GADD45B: variants seen among roughly 807,000 people sequenced by gnomAD.
GADD45B encodes the protein growth arrest and DNA damage-inducible protein GADD45 beta.
Under a neutral mutation model 15.2 loss-of-function variants are expected in GADD45B, and 8 were observed. The observed-to-expected ratio is 0.53, with a 90% CI of 0.31 to 0.95. The LOEUF is 0.95. Ranked by LOEUF, GADD45B falls within the 40% of genes least tolerant of loss-of-function variation. The pLI is 0.05. For missense variants in GADD45B, 162 were observed against 216.6 expected (o/e 0.75, Z 1.58); for synonymous variants, 100 against 89.8 (o/e 1.11, Z -0.64).
Position 2,476,234 on chromosome 19 carries a change from TTCCCG to T in GADD45B, c.-124_-120del. 1 of 864,996 alleles carries T rather than the reference TTCCCG, an allele frequency of 1.2e-6. No homozygotes were observed. 53.6% of individuals were successfully genotyped at this position (864,996 alleles called of 1,614,324 possible). A position where few individuals can be genotyped will look rare whatever the true frequency, so the allele number is the denominator to read the frequency against. ...GCCTTTTCTGGAAGGATTTCGCTGC[TTCCCG>T]AAGGTCTTGGACGAGCGCTCTAGCT... On this transcript the variant is annotated 5_prime_UTR_variant, in exon 1 of 4. Coordinates refer to ENST00000215631, the MANE Select transcript of GADD45B (RefSeq NM_015675.4).
At position 2,477,182 on chromosome 19, in the gene GADD45B, G is replaced by GCGCT; in HGVS notation, c.301_302insGCTC (p.Leu101ArgfsTer84). The GCGCT allele has an allele frequency of 6.2e-7, 1 of 1,612,166 alleles. No homozygotes were observed. Among genetic ancestry groups the GCGCT allele is most frequent in the Admixed American group, 1.7e-5 (1 of 60,016 alleles). On this transcript the variant is annotated frameshift_variant, in exon 3 of 4. Transcript: ENST00000215631. LOFTEE classifies it high-confidence loss of function. The surrounding 1 kb of genome is among the most constrained non-coding windows in gnomAD (Gnocchi z 4.2). ...TGTCGGGCATGCAGCGCCTGGCGCA[G>GCGCT]CTCCTGGGAGAGCCGGCCGAGACCC... is the stretch of plus-strand genomic sequence containing the variant.
rs769267957 is a variant in GADD45B, at chr19:2,476,413, G to A, written c.44+11G>A. The A allele has an allele frequency of 9.3e-6, 15 of 1,612,998 alleles. No homozygotes were observed. In the East Asian group the frequency reaches 1.1e-4, roughly 12 times the overall value. On this transcript the variant is annotated intron_variant, in intron 1 of 3. Transcript: ENST00000215631. ...CAACGCGGCGCAGAAGTAAGTAGCC[G>A]GGGCTGCCGCCGCCTGAGGTCAGCC... is the stretch of plus-strand genomic sequence containing the variant.
rs999477888 is a variant in GADD45B at position 2,478,017 on chromosome 19, C to G, written c.*416C>G. The G allele has an allele frequency of 1.2e-5, 2 of 161,158 alleles. No individual in the cohort carries two copies. Among genetic ancestry groups the G allele is most frequent in the African/African-American group, 4.8e-5 (2 of 41,594 alleles). 10.0% of individuals were successfully genotyped at this position (161,158 alleles called of 1,614,324 possible). A position where few individuals can be genotyped will look rare whatever the true frequency, so the allele number is the denominator to read the frequency against. Reference sequence around the variant, plus strand: ...TGAGACTGGAGCTGGCGTCTGCATACGAGAGACTTGGTTGAACTTGGTTGG... The same window carrying G: ...TGAGACTGGAGCTGGCGTCTGCATAGGAGAGACTTGGTTGAACTTGGTTGG... On this transcript the variant is annotated 3_prime_UTR_variant, in exon 4 of 4. Coordinates refer to ENST00000215631, the MANE Select transcript of GADD45B (RefSeq NM_015675.4).
In GADD45B at chr19:2,477,860, A is replaced by C. The variant is rs1599354510; in HGVS notation, c.*259A>C. On this transcript the variant is annotated 3_prime_UTR_variant, in exon 4 of 4. Coordinates refer to ENST00000215631, the MANE Select transcript of GADD45B (RefSeq NM_015675.4). The surrounding 1 kb of genome is among the most constrained non-coding windows in gnomAD (Gnocchi z 4.2). ...GGGACCCAGGCCAGCAGGAGACAGG[A>C]CCCCCGAAGCTGAGGCCTTGGGATG... 2 of 317,166 alleles carry C rather than the reference A, an allele frequency of 6.3e-6. No individual in the cohort carries two copies. The highest frequency in any genetic ancestry group is 6.1e-6 in the Non-Finnish European group (1 of 163,452). The allele number at this position is 317,166 out of a possible 1,614,324, so 19.6% of individuals were successfully genotyped here.
At position 2,477,346 on chromosome 19, in the gene GADD45B, C is replaced by T. The variant is rs1401396236; in HGVS notation, c.369+95C>T. 1 of 1,048,114 alleles carries T rather than the reference C, an allele frequency of 9.5e-7. No individual in the cohort carries two copies. Among genetic ancestry groups the T allele is most frequent in the South Asian group, 1.5e-5 (1 of 66,258 alleles). The allele number at this position is 1,048,114 out of a possible 1,614,324, so 64.9% of individuals were successfully genotyped here. On this transcript the variant is annotated intron_variant, in intron 3 of 3. Transcript: ENST00000215631. This position sits in a 1 kb window ranked among gnomAD's most constrained non-coding sequence, Gnocchi z 4.2. ...CTGACTGGTCCTGCACAGCTCAGCG[C>T]TCAGCCACGTTTGGCATGTCCCGTG... is the stretch of plus-strand genomic sequence containing the variant.
rs1443063264 is a variant in GADD45B at position 2,477,712 on chromosome 19, G to A, written c.*111G>A. 3.5e-6 allele frequency: 2 copies of A among 571,754 alleles called. No homozygotes were observed. Among genetic ancestry groups the A allele is most frequent in the Admixed American group, 5.4e-5 (2 of 36,826 alleles). The allele number at this position is 571,754 out of a possible 1,614,324, so 35.4% of individuals were successfully genotyped here. A position where few individuals can be genotyped will look rare whatever the true frequency, so the allele number is the denominator to read the frequency against. ...ACCCCCCCAAAACAACCCAACCCAC[G>A]AGGACCATCGGGGGCAGAGTCGTTG... On this transcript the variant is annotated 3_prime_UTR_variant, in exon 4 of 4. Coordinates refer to ENST00000215631, the MANE Select transcript of GADD45B (RefSeq NM_015675.4). This position sits in a 1 kb window ranked among gnomAD's most constrained non-coding sequence, Gnocchi z 4.2.
In GADD45B at chr19:2,477,770, G is replaced by T. The variant is rs1437143459; in HGVS notation, c.*169G>T. On this transcript the variant is annotated 3_prime_UTR_variant, in exon 4 of 4. Coordinates refer to ENST00000215631, the MANE Select transcript of GADD45B (RefSeq NM_015675.4). This position sits in a 1 kb window ranked among gnomAD's most constrained non-coding sequence, Gnocchi z 4.2. ...AAGAGGAAGAGGAGGAGGAGAAGGG[G>T]AGTGAGCGGCCGCCCCCAGGGCGGA... The T allele has an allele frequency of 6.4e-6, 3 of 470,580 alleles. No homozygotes were observed. The highest frequency in any genetic ancestry group is 3.5e-5 in the Admixed American group (1 of 28,946). The allele number at this position is 470,580 out of a possible 1,614,324, so 29.2% of individuals were successfully genotyped here. A position where few individuals can be genotyped will look rare whatever the true frequency, so the allele number is the denominator to read the frequency against.
rs2144694713 is a variant in GADD45B at position 2,476,242 on chromosome 19, G to A, written c.-117G>A. On this transcript the variant is annotated 5_prime_UTR_variant, in exon 1 of 4. Coordinates refer to ENST00000215631, the MANE Select transcript of GADD45B (RefSeq NM_015675.4). ...TGGAAGGATTTCGCTGCTTCCCGAA[G>A]GTCTTGGACGAGCGCTCTAGCTCTG... 3 of 916,314 alleles carry A rather than the reference G, an allele frequency of 3.3e-6. No individual in the cohort carries two copies. The highest frequency in any genetic ancestry group is 2.2e-4 in the Middle Eastern group (1 of 4,630). 56.8% of individuals were successfully genotyped at this position (916,314 alleles called of 1,614,324 possible).
Position 2,477,019 on chromosome 19 carries a change from G to A in GADD45B, c.147-10G>A, listed in dbSNP as rs1467165816. 2 of 1,595,480 alleles carry A rather than the reference G, an allele frequency of 1.3e-6. No individual in the cohort carries two copies. Among genetic ancestry groups the A allele is most frequent in the Admixed American group, 3.3e-5 (2 of 59,970 alleles). On this transcript the variant is annotated splice_polypyrimidine_tract_variant and intron_variant, in intron 2 of 3. Transcript: ENST00000215631. This position sits in a 1 kb window ranked among gnomAD's most constrained non-coding sequence, Gnocchi z 4.2. Reference sequence around the variant, plus strand: ...CCGGCTGACCCATCCCTACCCTTTGGCCCCCTCAGGGACCCAGACAGCGTG... The same window carrying A: ...CCGGCTGACCCATCCCTACCCTTTGACCCCCTCAGGGACCCAGACAGCGTG...
rs1348786358 is a variant in GADD45B at position 2,477,672 on chromosome 19, C to A, written c.*71C>A. On this transcript the variant is annotated 3_prime_UTR_variant, in exon 4 of 4. Transcript: ENST00000215631. This position sits in a 1 kb window ranked among gnomAD's most constrained non-coding sequence, Gnocchi z 4.2. Reference sequence around the variant, plus strand: ...AAAATACAATAAATATTTGAACCCCCTCCCCCCCAGCACAACCCCCCCAAA... The same window carrying A: ...AAAATACAATAAATATTTGAACCCCATCCCCCCCAGCACAACCCCCCCAAA... 2.6e-6 allele frequency: 2 copies of A among 774,086 alleles called. No homozygotes were observed. Among genetic ancestry groups the A allele is most frequent in the African/African-American group, 3.4e-5 (2 of 58,172 alleles). 48.0% of individuals were successfully genotyped at this position (774,086 alleles called of 1,614,324 possible). A position where few individuals can be genotyped will look rare whatever the true frequency, so the allele number is the denominator to read the frequency against.
intron 1 of GADD45B, 51 bp downstream of exon 1, chr19:2,476,453 C>T (rs2144694951): frequency 2.0e-6 from 3 of 1,499,048 alleles, no homozygotes; most frequent in East Asian, 4.5e-5. Context: ...CGGGATGGGT[C>T]GGGTTGGGCC....
chr19:2,476,943 G>T (rs1463639462), intron 2 of GADD45B, 86 bp from the exon 3 acceptor site: 4 of 829,732 alleles, frequency 4.8e-6, no homozygotes, highest in East Asian at 2.6e-5. Context: ...TTTTGCTCTT[G>T]CACGCTCCTT....
Position 2,477,440 on chromosome 19 carries a change from C to A in GADD45B, c.370-48C>A. 2 of 1,331,040 alleles carry A rather than the reference C, an allele frequency of 1.5e-6. No homozygotes were observed. Among genetic ancestry groups the A allele is most frequent in the South Asian group, 1.2e-5 (1 of 82,708 alleles). 82.5% of individuals were successfully genotyped at this position (1,331,040 alleles called of 1,614,324 possible). On this transcript the variant is annotated intron_variant, in intron 3 of 3. Transcript: ENST00000215631. This position sits in a 1 kb window ranked among gnomAD's most constrained non-coding sequence, Gnocchi z 4.2. The stretch of plus-strand genomic sequence containing the variant: ...CCTGACTGTTTTCCCCACACAGGGG[C>A]CCCGGGAGAGGGAGGCTCCACTAAA...
Position 2,477,797 on chromosome 19 carries a change from A to C in GADD45B, c.*196A>C. On this transcript the variant is annotated 3_prime_UTR_variant, in exon 4 of 4. Transcript: ENST00000215631. The surrounding 1 kb of genome is among the most constrained non-coding windows in gnomAD (Gnocchi z 4.2). ...GTGAGCGGCCGCCCCCAGGGCGGAGATCCAGGAGCTGGCGGCCGCCGATCC... is the reference window on the plus strand; with the variant it reads ...GTGAGCGGCCGCCCCCAGGGCGGAGCTCCAGGAGCTGGCGGCCGCCGATCC... 1 of 420,630 alleles carries C rather than the reference A, an allele frequency of 2.4e-6. No individual in the cohort carries two copies. Among genetic ancestry groups the C allele is most frequent in the Non-Finnish European group, 4.4e-6 (1 of 228,826 alleles). 26.1% of individuals were successfully genotyped at this position (420,630 alleles called of 1,614,324 possible).
chr19:2,477,226 G>C lies in GADD45B; in HGVS notation c.344G>C (p.Arg115Pro). Residue 115 changes from arginine to proline, a missense_variant, in exon 3 of 4, where the codon CGA becomes CCA. Coordinates refer to ENST00000215631, the MANE Select transcript of GADD45B (RefSeq NM_015675.4). The surrounding 1 kb of genome is among the most constrained non-coding windows in gnomAD (Gnocchi z 4.2). ...PAETQGTTEA[R>P]DLHCLLVTNP... ...GAGACCCAGGGCACCACCGAGGCCC[G>C]AGACCTGCATTGTCTCCTGGTCACG... is the stretch of plus-strand genomic sequence containing the variant. 1 of 1,595,358 alleles carries C rather than the reference G, an allele frequency of 6.3e-7. No homozygotes were observed. The highest frequency in any genetic ancestry group is 8.5e-7 in the Non-Finnish European group (1 of 1,174,210).
At position 2,477,529 on chromosome 19, in the gene GADD45B, G is replaced by C; in HGVS notation, c.411G>C (p.Glu137Asp). 3.7e-6 allele frequency: 6 copies of C among 1,613,912 alleles called. No individual in the cohort carries two copies. The highest frequency in any genetic ancestry group is 5.1e-6 in the Non-Finnish European group (6 of 1,179,822). Reference protein sequence around the residue: ...TDAWKSHGLVEVASYCEESRG... With the variant: ...TDAWKSHGLVDVASYCEESRG... ...CCTGGAAGAGCCACGGCTTGGTGGA[G>C]GTGGCCAGCTACTGCGAAGAAAGCC... Residue 137 changes from glutamate to aspartate, a missense_variant, in exon 4 of 4, where the codon GAG becomes GAC. Glu to Asp is a conservative substitution (Grantham distance 45, BLOSUM62 2). Coordinates refer to ENST00000215631, the MANE Select transcript of GADD45B (RefSeq NM_015675.4). The surrounding 1 kb of genome is among the most constrained non-coding windows in gnomAD (Gnocchi z 4.2).
At chr19:2,476,876 C>T (rs538630599) in intron 2 of GADD45B, 153 bp from the exon 3 acceptor site, 3 of 624,032 alleles carry the variant, frequency 4.8e-6, no homozygotes, top group South Asian at 3.8e-5. Context: ...TGTGCCCTCC[C>T]CTCCCCCCAC....
In GADD45B at chr19:2,477,831, A is replaced by G; in HGVS notation, c.*230A>G. On this transcript the variant is annotated 3_prime_UTR_variant, in exon 4 of 4. Coordinates refer to ENST00000215631, the MANE Select transcript of GADD45B (RefSeq NM_015675.4). The surrounding 1 kb of genome is among the most constrained non-coding windows in gnomAD (Gnocchi z 4.2). ...CTGGCGGCCGCCGATCCGATGGAGA[A>G]GGGGGGACCCAGGCCAGCAGGAGAC... is the stretch of plus-strand genomic sequence containing the variant. The G allele has an allele frequency of 2.6e-6, 1 of 383,866 alleles. No homozygotes were observed. The highest frequency in any genetic ancestry group is 3.9e-5 in the Admixed American group (1 of 25,956). 23.8% of individuals were successfully genotyped at this position (383,866 alleles called of 1,614,324 possible).
rs1435471115 is a variant in GADD45B, at chr19:2,478,136, T to C, written c.*535T>C. 1 of 152,402 alleles carries C rather than the reference T, an allele frequency of 6.6e-6. No homozygotes were observed. Among genetic ancestry groups the C allele is most frequent in the African/African-American group, 2.4e-5 (1 of 41,442 alleles). The allele number at this position is 152,402 out of a possible 1,614,324, so 9.4% of individuals were successfully genotyped here. A position where few individuals can be genotyped will look rare whatever the true frequency, so the allele number is the denominator to read the frequency against. On this transcript the variant is annotated 3_prime_UTR_variant, in exon 4 of 4. Coordinates refer to ENST00000215631, the MANE Select transcript of GADD45B (RefSeq NM_015675.4). Reference sequence around the variant, plus strand: ...CCATGAACTCCCAGTTTGCGAATTATAGAGACAATCTATTTTGTTACTTGC... The same window carrying C: ...CCATGAACTCCCAGTTTGCGAATTACAGAGACAATCTATTTTGTTACTTGC...
Sources: allele counts gnomAD v4.1 joint callset, GRCh38; gene constraint gnomAD v4.1.1; non-coding constraint Gnocchi (gnomAD v3.1); transcripts MANE v1.5; gene names NCBI Gene and HGNC (gene_info 2026-07-23, HGNC 2026-07-21).